The following CUX1 variants were observed in gnomAD, a reference collection of about 807,000 sequenced individuals.
CUX1 encodes the protein protein CASP.
In CUX1, 31 loss-of-function variants were observed where a neutral mutation model predicts 158.8. That is an observed-to-expected ratio of 0.20 (90% CI 0.15 to 0.26). The LOEUF (loss-of-function observed/expected upper bound fraction) is 0.26. CUX1 is among the 10% of genes least tolerant of loss of function. The probability of loss-of-function intolerance (pLI) is 1.00; values close to 1 mark genes in which losing one functional copy is unlikely to be tolerated. For missense variants in CUX1, 1,589 were observed against 2,014.6 expected, an observed-to-expected ratio of 0.79 and a Z score of 4.04; for synonymous variants, 879 against 862.1, an observed-to-expected ratio of 1.02 and a Z score of -0.34.
At chr7:102,137,840 A>G (rs187343144) in intron 8 of CUX1, among the ~76,000 whole-genome samples, 14 of 152,172 alleles carry the variant, frequency 9.2e-5, no homozygotes, top group Admixed American at 2.0e-4. Flanking sequence ...ATTATGCTAC[A>G]TATAATATTG....
chr7:102,203,828 A>T (rs1480013888), intron 18 of CUX1, among the ~76,000 whole-genome samples: 3 of 151,688 alleles, frequency 2.0e-5, no homozygotes, highest in Non-Finnish European at 4.4e-5. Context: ...GCGGAATGTC[A>T]CTCCCAGGCC....
At chr7:102,209,339 C>T (rs560772434) in intron 20 of CUX1, among the ~76,000 whole-genome samples, 2 of 152,296 alleles carry the variant, frequency 1.3e-5, no homozygotes, top group South Asian at 4.1e-4. Flanking sequence ...ATGGGGGTGA[C>T]GGGCTTGGGC....
upstream of CUX1, among the ~76,000 whole-genome samples, chr7:101,816,658 C>T (rs1791837414): frequency 6.9e-6 from 1 of 144,378 alleles, no homozygotes; most frequent in Non-Finnish European, 1.5e-5. Flanking sequence ...GAAGCGCCTG[C>T]CTCTCCAGGA....
At chr7:102,027,679 G>A (rs1010573293) in intron 2 of CUX1, among the ~76,000 whole-genome samples, 10 of 152,120 alleles carry the variant, frequency 6.6e-5, no homozygotes, top group African/African-American at 2.4e-4. Context: ...TGGACGACAT[G>A]ATGAAACCCT....
intron 5 of CUX1, among the ~76,000 whole-genome samples, chr7:102,098,807 ATTTTTTTTTTTTT>A (rs112048598): frequency 8.5e-4 from 58 of 68,002 alleles, no homozygotes; most frequent in African/African-American, 2.5e-3. Flanking sequence ...CGCCCAACTA[ATTTTTTTTTTTTT>A]TTTTTTTTTT....
At chr7:102,155,135 A>C (rs1554504776) in intron 8 of CUX1, among the ~76,000 whole-genome samples, 2 of 152,166 alleles carry the variant, frequency 1.3e-5, no homozygotes. Context: ...GGTCTGAAAC[A>C]CTAGTGGAGC....
chr7:102,241,371 T>C (rs949079860), intron 23 of CUX1, among the ~76,000 whole-genome samples: 1 of 152,170 alleles, frequency 6.6e-6, no homozygotes, highest in Non-Finnish European at 1.5e-5. Context: ...CAGGTGCTGC[T>C]TCCCATTGTC....
chr7:101,974,152 A>ACCTC (rs1419375164), intron 2 of CUX1, among the ~76,000 whole-genome samples: 4 of 148,000 alleles, frequency 2.7e-5, no homozygotes, highest in African/African-American at 1.0e-4. Flanking sequence ...TGCAACGTCC[A>ACCTC]CCTCCCTGGG....
At chr7:102,275,333 C>T (rs1303592863) in exon 17 of CUX1, 18 of 1,612,794 alleles carry the variant, frequency 1.1e-5, no homozygotes, top group Middle Eastern at 3.3e-4. Context: ...GGAGCGCTTC[C>T]GTGCCCGGAA....
chr7:101,823,730 G>A (rs1792941042), intron 1 of CUX1, among the ~76,000 whole-genome samples: 1 of 152,170 alleles, frequency 6.6e-6, no homozygotes, highest in African/African-American at 2.4e-5. Flanking sequence ...AGTAAACCAT[G>A]GGTTATGAGG....
At chr7:101,870,857 T>G (rs572930594) in intron 1 of CUX1, among the ~76,000 whole-genome samples, 47 of 152,296 alleles carry the variant, frequency 3.1e-4, no homozygotes, top group African/African-American at 1.1e-3. Flanking sequence ...AGTGAGTAAT[T>G]TTAGAATAGA....
In CUX1 at chr7:102,255,172, T is replaced by G. The variant is rs1462880223; in HGVS notation, c.*6130T>G. Reference sequence around the variant, plus strand: ...TAGAAGGAAATGCAATTTCCGCCTGTCTGCCCGACTTCCAAAAACTGCCTC... The same window carrying G: ...TAGAAGGAAATGCAATTTCCGCCTGGCTGCCCGACTTCCAAAAACTGCCTC... On this transcript the variant is annotated 3_prime_UTR_variant, in exon 24 of 24. Coordinates refer to ENST00000292535, the MANE Select transcript of CUX1 (RefSeq NM_181552.4). 1.0e-6 allele frequency: 1 copy of G among 985,398 alleles called. No homozygotes were observed. Among genetic ancestry groups the G allele is most frequent in the African/African-American group, 1.7e-5 (1 of 57,242 alleles). 61.0% of individuals were successfully genotyped at this position (985,398 alleles called of 1,614,324 possible). A position where few individuals can be genotyped will look rare whatever the true frequency, so the allele number is the denominator to read the frequency against.
chr7:102,095,780 G>A (rs573140755), intron 4 of CUX1, among the ~76,000 whole-genome samples: 7 of 152,254 alleles, frequency 4.6e-5, no homozygotes, highest in South Asian at 2.1e-4. Flanking sequence ...TGACACTGGC[G>A]CCCATACCAG....
At chr7:101,937,802 C>T (rs375778021) in intron 2 of CUX1, among the ~76,000 whole-genome samples, 2 of 152,186 alleles carry the variant, frequency 1.3e-5, no homozygotes, top group South Asian at 2.1e-4. Flanking sequence ...CGAGAGCCAC[C>T]GCGCCCAGCC....
In CUX1 at chr7:102,166,142, C is replaced by T. The variant is rs1554508709; in HGVS notation, c.724-4304C>T. 3.3e-5 allele frequency among the ~76,000 whole-genome samples: 5 copies of T among 152,184 alleles called. No homozygotes were observed. The East Asian group carries it at 5.8e-4, about 18-fold the overall frequency. ...GACACCATCGCCAGGTGATGGGCAT[C>T]GGCTTGTGTGAGCCCCGTGGCCACC... On this transcript the variant is annotated intron_variant, in intron 9 of 23. Transcript: ENST00000292535.
intron 2 of CUX1, among the ~76,000 whole-genome samples, chr7:101,978,178 T>A (rs1812957105): frequency 6.6e-6 from 1 of 152,080 alleles, no homozygotes; most frequent in Admixed American, 6.5e-5. Context: ...AAGGATGGCG[T>A]CTATATTTAT....
At chr7:102,033,389 A>G (rs1226253803) in intron 3 of CUX1, among the ~76,000 whole-genome samples, 3 of 152,244 alleles carry the variant, frequency 2.0e-5, no homozygotes, top group Non-Finnish European at 1.5e-5. Flanking sequence ...ATGAATGAAA[A>G]AAACAAAGAG....
At chr7:102,222,122 G>A (rs1434554026) in intron 20 of CUX1, among the ~76,000 whole-genome samples, 2 of 151,996 alleles carry the variant, frequency 1.3e-5, no homozygotes, top group Admixed American at 1.3e-4. Flanking sequence ...TTAGCCAGGC[G>A]TGGTGGCACA....
At chr7:102,279,730 C>T (rs1554548682) in intron 18 of CUX1, among the ~76,000 whole-genome samples, 1 of 152,192 alleles carries the variant, frequency 6.6e-6, no homozygotes, top group African/African-American at 2.4e-5. Context: ...CGCATGACCA[C>T]CCCACACTCC....
Sources: gnomAD v4.1 joint callset for allele counts (sites outside exome capture counted in the v4.1 genomes callset) on GRCh38, gnomAD v4.1.1 for gene constraint, MANE v1.5 for transcripts, NCBI Gene and HGNC (gene_info 2026-07-23, HGNC 2026-07-21) for gene names.